Variants in LRRIQ4 observed in about 807,000 individuals in gnomAD.
LRRIQ4 encodes leucine rich repeats and IQ motif containing 4.
A neutral mutation model predicts 40.1 loss-of-function variants in LRRIQ4; 21 were observed. The observed-to-expected ratio is 0.52, with a 90% confidence interval of 0.37 to 0.75. LRRIQ4 has a LOEUF of 0.75. Ranked by LOEUF, LRRIQ4 falls within the 30% of genes least tolerant of loss-of-function variation. The pLI, the probability that LRRIQ4 is intolerant of heterozygous loss-of-function variation, is 0.00. For missense variants in LRRIQ4, 655 were observed against 660.0 expected, an observed-to-expected ratio of 0.99 and a Z score of 0.08; for synonymous variants, 277 against 277.1, an observed-to-expected ratio of 1.00 and a Z score of 0.00.
chr3:169,820,940 C>T (rs543088646), intron 1 of LRRIQ4, among the ~76,000 whole-genome samples: 15 of 152,182 alleles, frequency 9.9e-5, no homozygotes, highest in Non-Finnish European at 1.9e-4. Context: ...TGGGGCTACT[C>T]CAGATTCTAA....
intron 5 of LRRIQ4, 114 bp from the exon 6 acceptor site, chr3:169,837,365 C>A: frequency 8.5e-7 from 1 of 1,170,542 alleles, no homozygotes; most frequent in Non-Finnish European, 1.2e-6. Flanking sequence ...GAGTTCTAAT[C>A]ACATCCCATT....
At chr3:169,816,414 C>T (rs1305610273) in intron 1 of LRRIQ4, among the ~76,000 whole-genome samples, 2 of 151,962 alleles carry the variant, frequency 1.3e-5, no homozygotes, top group Non-Finnish European at 2.9e-5. Flanking sequence ...AGGAATTTAT[C>T]CATTTCTTCT....
Position 169,822,149 on chromosome 3 carries a change from C to A in LRRIQ4, c.228C>A (p.Leu76=), listed in dbSNP as rs758139638. Residue 76 remains leucine, a synonymous_variant, in exon 2 of 6, where the codon CTC becomes CTA. Coordinates refer to ENST00000340806, the MANE Select transcript of LRRIQ4 (RefSeq NM_001080460.3). ...EIQRLKNIRV[L]YLDKNNLRSL... is the part of the protein sequence containing the mutation. ...AGCGTTTAAAGAACATCAGGGTCCTCTACCTGGATAAGAACAACCTGAGGA... is the reference window on the plus strand; with the variant it reads ...AGCGTTTAAAGAACATCAGGGTCCTATACCTGGATAAGAACAACCTGAGGA... 5 of 1,612,946 alleles carry A rather than the reference C, an allele frequency of 3.1e-6. No homozygotes were observed. In the South Asian group the frequency reaches 5.5e-5, roughly 18 times the overall value.
intron 2 of LRRIQ4, among the ~76,000 whole-genome samples, chr3:169,824,193 T>C (rs1205551684): frequency 6.6e-6 from 1 of 152,164 alleles, no homozygotes; most frequent in Non-Finnish European, 1.5e-5. Flanking sequence ...TGAAGGTGGC[T>C]GCCTCTGGGA....
chr3:169,828,342 C>T (rs1780087807), intron 2 of LRRIQ4, among the ~76,000 whole-genome samples: 3 of 152,144 alleles, frequency 2.0e-5, no homozygotes, highest in South Asian at 4.1e-4. Context: ...CAGAGATTCC[C>T]CTGCCTCAGC....
intron 2 of LRRIQ4, among the ~76,000 whole-genome samples, chr3:169,825,920 C>T (rs12330923): frequency 0.016 from 2,390 of 152,280 alleles, 67 homozygotes; most frequent in African/African-American, 0.055. Context: ...TTTCTCTCCT[C>T]AATGAAACAT....
intron 4 of LRRIQ4, among the ~76,000 whole-genome samples, chr3:169,831,571 G>A (rs1388126508): frequency 7.0e-6 from 1 of 143,390 alleles, no homozygotes; most frequent in Non-Finnish European, 1.5e-5. Context: ...CAAAGTGCTG[G>A]AATTACAGGC....
intron 4 of LRRIQ4, among the ~76,000 whole-genome samples, chr3:169,831,014 T>A (rs1780158979): frequency 6.6e-6 from 1 of 152,122 alleles, no homozygotes; most frequent in Non-Finnish European, 1.5e-5. Context: ...AAAGAAAAAG[T>A]ATTGGCCCAG....
In LRRIQ4 at chr3:169,822,236, C is replaced by A; in HGVS notation, c.315C>A (p.Pro105=). The part of the protein sequence containing the change: ...SLESLDLSYN[P]IFSSSLVVVS... ...AGAGCCTGGACCTGAGCTACAACCC[C>A]ATCTTCTCCTCCTCCCTTGTCGTTG... The change falls in exon 2 of 6, where the codon CCC becomes CCA. Residue 105 remains proline, a synonymous_variant. Coordinates refer to ENST00000340806, the MANE Select transcript of LRRIQ4 (RefSeq NM_001080460.3). 1 of 1,605,758 alleles carries A rather than the reference C, an allele frequency of 6.2e-7. No individual in the cohort carries two copies. The highest frequency in any genetic ancestry group is 8.5e-7 in the Non-Finnish European group (1 of 1,176,794).
In LRRIQ4 at chr3:169,822,502, A is replaced by G; in HGVS notation, c.581A>G (p.Asp194Gly). ...GTTCTCTACACCCTGGAAATCATTGACCTGGACGAGAACAAAATAGGTGCC... is the reference window on the plus strand; with the variant it reads ...GTTCTCTACACCCTGGAAATCATTGGCCTGGACGAGAACAAAATAGGTGCC... ...LCVLYTLEIIDLDENKIGAIP... is the reference protein window; with the variant it reads ...LCVLYTLEIIGLDENKIGAIP... The change falls in exon 2 of 6, where the codon GAC (aspartate) becomes GGC (glycine). Residue 194 changes from aspartate to glycine, a missense_variant. Asp to Gly is a moderately conservative substitution (Grantham distance 94). Coordinates refer to ENST00000340806, the MANE Select transcript of LRRIQ4 (RefSeq NM_001080460.3). 1 of 1,614,032 alleles carries G rather than the reference A, an allele frequency of 6.2e-7. No homozygotes were observed.
rs757322342 is a variant in LRRIQ4 at position 169,832,998 on chromosome 3, T to C, written c.1345T>C (p.Leu449=). The C allele has an allele frequency of 4.5e-5, 73 of 1,609,764 alleles. No individual in the cohort carries two copies. The highest frequency in any genetic ancestry group is 5.8e-5 in the Non-Finnish European group (68 of 1,178,900). ...AICQAQALKE[L]RLEDNLLTHL... ...AAAAATCTTTTCAGCTTTGAAAGAA[T>C]TACGGCTGGAGGACAACTTGCTCAC... Residue 449 remains leucine (L), a synonymous_variant, in exon 5 of 6, where the codon TTA becomes CTA. Transcript: ENST00000340806.
In LRRIQ4 at chr3:169,822,461, C is replaced by T. The variant is rs867617630; in HGVS notation, c.540C>T (p.Phe180=). 1.9e-6 allele frequency: 3 copies of T among 1,613,954 alleles called. No individual in the cohort carries two copies. The highest frequency in any genetic ancestry group is 2.5e-6 in the Non-Finnish European group (3 of 1,179,878). The part of the protein sequence containing the change: ...IYLKRNQFEV[F]PQELCVLYTL... Reference sequence around the variant, plus strand: ...TGAAGCGAAACCAGTTTGAAGTTTTCCCCCAGGAGCTCTGTGTTCTCTACA... The same window carrying T: ...TGAAGCGAAACCAGTTTGAAGTTTTTCCCCAGGAGCTCTGTGTTCTCTACA... Residue 180 remains phenylalanine (F), a synonymous_variant, in exon 2 of 6, where the codon TTC becomes TTT. Coordinates refer to ENST00000340806, the MANE Select transcript of LRRIQ4 (RefSeq NM_001080460.3).
Position 169,828,670 on chromosome 3 carries a change from A to T in LRRIQ4, c.1021-89A>T. On this transcript the variant is annotated intron_variant, in intron 2 of 5. Coordinates refer to ENST00000340806, the MANE Select transcript of LRRIQ4 (RefSeq NM_001080460.3). The stretch of plus-strand genomic sequence containing the variant: ...AGAGGCTAAGTTACTCCACTTGTTT[A>T]GCAGTCTGCCTCAAAACCAGAAGCC... 7 of 1,164,446 alleles carry T rather than the reference A, an allele frequency of 6.0e-6. No homozygotes were observed. In the South Asian group the frequency reaches 8.1e-5, roughly 14 times the overall value. The allele number at this position is 1,164,446 out of a possible 1,614,324, so 72.1% of individuals were successfully genotyped here.
At chr3:169,824,605 T>A (rs151043468) in intron 2 of LRRIQ4, among the ~76,000 whole-genome samples, 1 of 151,856 alleles carries the variant, frequency 6.6e-6, no homozygotes, top group Admixed American at 6.6e-5. Context: ...CTCTGCCTCC[T>A]GGGTTCAAGC....
rs1456238695 is a variant in LRRIQ4, at chr3:169,822,032, G to T, written c.111G>T (p.Leu37Phe). 1 of 1,602,424 alleles carries T rather than the reference G, an allele frequency of 6.2e-7. No individual in the cohort carries two copies. The highest frequency in any genetic ancestry group is 8.5e-7 in the Non-Finnish European group (1 of 1,176,488). Reference sequence around the variant, plus strand: ...TCATTGATGCCTCTAATCAGAGCTTGACTGCCATTCCTTTGGAGATCTTCA... The same window carrying T: ...TCATTGATGCCTCTAATCAGAGCTTTACTGCCATTCCTTTGGAGATCTTCA... ...TFFIDASNQS[L>F]TAIPLEIFTF... The change falls in exon 2 of 6, where the codon TTG becomes TTT. Residue 37 changes from leucine to phenylalanine, a missense_variant. By Grantham distance (22) the Leu-to-Phe change is conservative. Coordinates refer to ENST00000340806, the MANE Select transcript of LRRIQ4 (RefSeq NM_001080460.3).
At chr3:169,825,008 C>CT (rs10575036) in intron 2 of LRRIQ4, among the ~76,000 whole-genome samples, 290 of 133,984 alleles carry the variant, frequency 2.2e-3, no homozygotes, top group Middle Eastern at 7.8e-3. Flanking sequence ...TTTTAAAAAT[C>CT]TTTTTTTTTT....
At chr3:169,827,529 C>A (rs1780066700) in intron 2 of LRRIQ4, among the ~76,000 whole-genome samples, 1 of 146,074 alleles carries the variant, frequency 6.8e-6, no homozygotes, top group African/African-American at 2.6e-5. Flanking sequence ...ATGGCGTGAA[C>A]CCGGGAAGCG....
At chr3:169,823,165 A>G (rs1176546515) in intron 2 of LRRIQ4, among the ~76,000 whole-genome samples, 2 of 152,100 alleles carry the variant, frequency 1.3e-5, no homozygotes, top group Admixed American at 1.3e-4. Context: ...TGTGCCAGTC[A>G]CTGAGCTAAG....
chr3:169,830,677 C>G (rs1442626623), intron 4 of LRRIQ4, 47 bp downstream of exon 4: 36 of 1,610,156 alleles, frequency 2.2e-5, no homozygotes, highest in Non-Finnish European at 3.0e-5. Context: ...TTGTGGCCAG[C>G]ATTTCCTATG....
Sources: gnomAD v4.1 joint callset for allele counts (sites outside exome capture counted in the v4.1 genomes callset) on GRCh38, gnomAD v4.1.1 for gene constraint, MANE v1.5 for transcripts, NCBI Gene and HGNC (gene_info 2026-07-23, HGNC 2026-07-21) for gene names.